POU6F2: variants seen among roughly 807,000 people sequenced by gnomAD.
POU6F2 encodes POU class 6 homeobox 2, also known as POU domain, class 6, transcription factor 2.
In POU6F2, 31 loss-of-function variants were observed where a neutral mutation model predicts 71.3. That is an observed-to-expected ratio of 0.43 (90% confidence interval 0.33 to 0.59). The LOEUF is 0.59. Among genes scored for constraint, POU6F2 ranks in the 20% least tolerant of loss-of-function variants. The pLI, the probability that POU6F2 is intolerant of heterozygous loss-of-function variation, is 0.04. For synonymous variants in POU6F2, 347 were observed against 355.7 expected (o/e 0.98, Z 0.27); for missense variants, 783 against 856.8 (o/e 0.91, Z 1.07).
At chr7:39,320,285 C>T (rs1325758165) in intron 4 of POU6F2, among the ~76,000 whole-genome samples, 1 of 152,182 alleles carries the variant, frequency 6.6e-6, no homozygotes, top group Non-Finnish European at 1.5e-5. Flanking sequence ...TCAATGGATG[C>T]CAGGAAGGGC....
chr7:39,029,495 G>C (rs1049785307), intron 1 of POU6F2, among the ~76,000 whole-genome samples: 18 of 151,326 alleles, frequency 1.2e-4, no homozygotes, highest in Middle Eastern at 6.8e-3. Context: ...TTTCTGGGAG[G>C]GGGGGGTGGA....
At chr7:39,371,331 C>G (rs992568071) in intron 5 of POU6F2, among the ~76,000 whole-genome samples, 3 of 152,056 alleles carry the variant, frequency 2.0e-5, no homozygotes, top group Admixed American at 6.6e-5. Flanking sequence ...AGGCGCCCAC[C>G]ACCACACCCA....
In POU6F2 at chr7:39,339,863, G is replaced by A; in HGVS notation, c.820G>A (p.Ala274Thr). 3.1e-6 allele frequency: 5 copies of A among 1,610,592 alleles called. No individual in the cohort carries two copies. The highest frequency in any genetic ancestry group is 4.2e-6 in the Non-Finnish European group (5 of 1,178,258). The change falls in exon 5 of 10, where the codon GCG (alanine) becomes ACG (threonine). Residue 274 changes from alanine (A) to threonine (T), a missense_variant. By Grantham distance (58) the Ala-to-Thr change is moderately conservative. Around this residue, in one of 2 missense-constraint regions of POU6F2, gnomAD observed 572 missense variants for 572.9 expected, o/e 1.00. Transcript: ENST00000518318. Reference protein sequence around the residue: ...PPAPTSQLQQAPQPQQHQPHS... With the variant: ...PPAPTSQLQQTPQPQQHQPHS... ...AGCTCCTACATCTCAGCTGCAACAG[G>A]CGCCTCAGCCCCAGCAGCACCAACC...
At chr7:39,102,478 G>A (rs1010956600) in intron 2 of POU6F2, among the ~76,000 whole-genome samples, 2 of 152,090 alleles carry the variant, frequency 1.3e-5, no homozygotes, top group East Asian at 3.9e-4. Context: ...CATATATTAA[G>A]TGCCAGATAA....
At chr7:39,292,186 C>T (rs569224866) in intron 4 of POU6F2, among the ~76,000 whole-genome samples, 2 of 152,294 alleles carry the variant, frequency 1.3e-5, no homozygotes, top group African/African-American at 2.4e-5. Flanking sequence ...ACCTTCCACC[C>T]GGCGCCGGGC....
chr7:39,385,686 AG>A (rs1406372053), intron 5 of POU6F2, among the ~76,000 whole-genome samples: 2 of 152,162 alleles, frequency 1.3e-5, no homozygotes, highest in Admixed American at 6.5e-5. Flanking sequence ...GTAGTGCCCC[AG>A]GTCCCTCTTC....
intron 6 of POU6F2, among the ~76,000 whole-genome samples, chr7:39,420,891 A>G (rs1043559673): frequency 7.2e-5 from 11 of 152,202 alleles, no homozygotes; most frequent in Admixed American, 7.2e-4. Context: ...TGAGCTTAAA[A>G]CAGGACAGTC....
chr7:39,222,442 G>A lies in POU6F2; in HGVS notation c.598+14822G>A, dbSNP rs1181491178. On this transcript the variant is annotated intron_variant, in intron 4 of 9. Transcript: ENST00000518318. ...AATTTATCATCTTAACCATTTTTAA[G>A]TGTACAGTTCTGTGGCACCAAGTAC... Among the ~76,000 whole-genome samples, 3 of 152,276 alleles carry A rather than the reference G, an allele frequency of 2.0e-5. No homozygotes were observed. The East Asian group carries it at 5.8e-4, about 29-fold the overall frequency.
intron 2 of POU6F2, among the ~76,000 whole-genome samples, chr7:39,088,236 T>TGAGA (rs1259502887): frequency 6.6e-6 from 1 of 151,790 alleles, no homozygotes; most frequent in Non-Finnish European, 1.5e-5. Flanking sequence ...AGAGACAATA[T>TGAGA]GAGAAAGAAA....
chr7:39,207,005 G>T (rs1446091325), intron 3 of POU6F2, among the ~76,000 whole-genome samples: 1 of 152,004 alleles, frequency 6.6e-6, no homozygotes, highest in Non-Finnish European at 1.5e-5. Context: ...GTATTTCGTT[G>T]CTCTTTTTGA....
At chr7:39,344,656 C>A (rs908848997) in intron 5 of POU6F2, among the ~76,000 whole-genome samples, 14 of 152,122 alleles carry the variant, frequency 9.2e-5, no homozygotes, top group Non-Finnish European at 1.2e-4. Context: ...CCCCCTCCCC[C>A]CCCAGCAATT....
chr7:39,405,320 G>A (rs1583577833), intron 5 of POU6F2, among the ~76,000 whole-genome samples: 1 of 152,132 alleles, frequency 6.6e-6, no homozygotes, highest in East Asian at 1.9e-4. Flanking sequence ...AATATGATTT[G>A]AAGGGAAGAA....
intron 1 of POU6F2, among the ~76,000 whole-genome samples, chr7:39,052,078 A>G (rs748792979): frequency 6.6e-6 from 1 of 152,128 alleles, no homozygotes; most frequent in African/African-American, 2.4e-5. Flanking sequence ...ACACCTTCCT[A>G]TCACATAGCC....
intron 4 of POU6F2, among the ~76,000 whole-genome samples, chr7:39,299,997 CCCAG>C (rs1469793362): frequency 6.6e-6 from 1 of 152,118 alleles, no homozygotes; most frequent in Admixed American, 6.6e-5. Flanking sequence ...TTCCAGCAGT[CCCAG>C]TTAGGCCGCC....
At chr7:39,461,188 A>G (rs948330790) in intron 9 of POU6F2, among the ~76,000 whole-genome samples, 2 of 152,248 alleles carry the variant, frequency 1.3e-5, no homozygotes, top group Non-Finnish European at 2.9e-5. Flanking sequence ...TGAAGGTTTT[A>G]ACTTGCCTTC....
intron 2 of POU6F2, among the ~76,000 whole-genome samples, chr7:39,119,248 A>G (rs1791993839): frequency 6.6e-6 from 1 of 152,252 alleles, no homozygotes; most frequent in African/African-American, 2.4e-5. Context: ...GATGCCTGAC[A>G]TGTTCAACAA....
chr7:39,067,510 G>GATGCATACAATTTGGA (rs1790783387), intron 1 of POU6F2, among the ~76,000 whole-genome samples: 1 of 151,774 alleles, frequency 6.6e-6, no homozygotes, highest in African/African-American at 2.4e-5. Context: ...AAATATTTGG[G>GATGCATACAATTTGGA]ATGCATACAA....
At chr7:39,411,697 G>T (rs1180073913) in intron 6 of POU6F2, among the ~76,000 whole-genome samples, 1 of 152,194 alleles carries the variant, frequency 6.6e-6, no homozygotes, top group African/African-American at 2.4e-5. Flanking sequence ...GTAGGATAGG[G>T]GCTGCCTCCT....
At chr7:39,306,086 G>A (rs192740056) in intron 4 of POU6F2, among the ~76,000 whole-genome samples, 7 of 151,952 alleles carry the variant, frequency 4.6e-5, no homozygotes, top group Admixed American at 1.3e-4. Flanking sequence ...CTATATCCAT[G>A]AGCAATGTCT....
Sources: gnomAD v4.1 joint callset for allele counts (sites outside exome capture counted in the v4.1 genomes callset) on GRCh38, gnomAD v4.1.1 for gene constraint, gnomAD v4.1.1 regional missense constraint, MANE v1.5 for transcripts, NCBI Gene and HGNC (gene_info 2026-07-23, HGNC 2026-07-21) for gene names.